NEGR1: variants seen among roughly 807,000 people sequenced by gnomAD.
The protein encoded by NEGR1 is neuronal growth regulator 1, also known as IgLON family member 4.
Under a neutral mutation model 40.9 loss-of-function variants are expected in NEGR1, and 10 were observed. The ratio of observed to expected loss-of-function variants is 0.24; its 90% confidence interval spans 0.15 to 0.42. The LOEUF (loss-of-function observed/expected upper bound fraction) is 0.42. NEGR1 is among the 10% of genes least tolerant of loss of function. The pLI, the probability that NEGR1 is intolerant of heterozygous loss-of-function variation, is 1.00. For missense variants in NEGR1, 352 were observed against 438.9 expected (o/e 0.80, Z 1.77); for synonymous variants, 185 against 166.8 (o/e 1.11, Z -0.84).
chr1:71,781,519 A>G (rs1265476507), intron 2 of NEGR1, among the ~76,000 whole-genome samples: 2 of 152,226 alleles, frequency 1.3e-5, no homozygotes, highest in African/African-American at 2.4e-5. Flanking sequence ...ACCACAGTGC[A>G]TACAAATCCA....
intron 2 of NEGR1, among the ~76,000 whole-genome samples, chr1:71,802,915 T>C (rs902298971): frequency 6.6e-6 from 1 of 152,172 alleles, no homozygotes; most frequent in Non-Finnish European, 1.5e-5. Context: ...AGATGATATT[T>C]AGATGAGACT....
rs551356151 is a variant in NEGR1, at chr1:72,190,799, C to T, written c.176+91520G>A. On this transcript the variant is annotated intron_variant, in intron 1 of 6. Coordinates refer to ENST00000357731, the MANE Select transcript of NEGR1 (RefSeq NM_173808.3). ...CTCTTTGGAAATAAATGACCTGCCA[C>T]TCTCATTAGGGAACATAACTAAATA... Among the ~76,000 whole-genome samples, 114 of 151,592 alleles carry T rather than the reference C, an allele frequency of 7.5e-4. 1 individual carries two copies. The highest frequency in any genetic ancestry group is 9.2e-4 in the Non-Finnish European group (62 of 67,638).
At chr1:71,749,877 C>T (rs570113053) in intron 3 of NEGR1, among the ~76,000 whole-genome samples, 2 of 152,144 alleles carry the variant, frequency 1.3e-5, no homozygotes, top group East Asian at 3.8e-4. Context: ...AATACAGAAG[C>T]AGTCACTATA....
At chr1:71,698,283 T>C (rs1653554169) in intron 3 of NEGR1, 144 bp from the exon 4 acceptor site, 15 of 733,550 alleles carry the variant, frequency 2.0e-5, no homozygotes, top group Non-Finnish European at 3.3e-5. Context: ...TTTGTTCTTC[T>C]ATGTTCAGAG....
intron 3 of NEGR1, among the ~76,000 whole-genome samples, chr1:71,708,181 C>T (rs1055690080): frequency 1.3e-5 from 2 of 151,468 alleles, no homozygotes; most frequent in South Asian, 4.2e-4. Flanking sequence ...AGTACCAACC[C>T]AGGAGAAATA....
intron 4 of NEGR1, among the ~76,000 whole-genome samples, chr1:71,682,009 T>C (rs140230969): frequency 0.017 from 2,585 of 152,088 alleles, 25 homozygotes; most frequent in Non-Finnish European, 0.025. Flanking sequence ...GTATTTTTAG[T>C]AGAGATGGGG....
In NEGR1 at chr1:71,886,655, T is replaced by G. The variant is rs1660733551; in HGVS notation, c.409+48424A>C. Among the ~76,000 whole-genome samples, 3 of 152,174 alleles carry G rather than the reference T, an allele frequency of 2.0e-5. No homozygotes were observed. The South Asian group carries it at 6.2e-4, about 32-fold the overall frequency. On this transcript the variant is annotated intron_variant, in intron 2 of 6. Coordinates refer to ENST00000357731, the MANE Select transcript of NEGR1 (RefSeq NM_173808.3). ...TATGAGGCACACTGCACCTCTTATG[T>G]CACTCACCTTTTCCCCAAGTTGCCT...
intron 6 of NEGR1, among the ~76,000 whole-genome samples, chr1:71,512,804 A>T (rs1008395286): frequency 3.3e-5 from 5 of 150,552 alleles, no homozygotes; most frequent in African/African-American, 9.8e-5. Context: ...TTGATCTTGA[A>T]CTCCTGACCT....
chr1:72,134,845 CT>C (rs2100321722), intron 1 of NEGR1, among the ~76,000 whole-genome samples: 1 of 151,474 alleles, frequency 6.6e-6, no homozygotes, highest in South Asian at 2.1e-4. Context: ...TCAAGCGATT[CT>C]CCTGCCTCAG....
At chr1:71,460,015 T>C (rs999206978) in intron 6 of NEGR1, among the ~76,000 whole-genome samples, 2 of 152,204 alleles carry the variant, frequency 1.3e-5, no homozygotes, top group African/African-American at 4.8e-5. Context: ...TGCTTCTACT[T>C]CCATATCTTT....
At chr1:72,269,787 T>C (rs566982854) in intron 1 of NEGR1, among the ~76,000 whole-genome samples, 14 of 150,114 alleles carry the variant, frequency 9.3e-5, no homozygotes, top group African/African-American at 3.0e-4. Flanking sequence ...GTTTTAAAAA[T>C]TCAAAATTTT....
Position 71,928,462 on chromosome 1 carries a change from ATACT to A in NEGR1, c.409+6613_409+6616del, listed in dbSNP as rs796888875. Among the ~76,000 whole-genome samples, 39 of 92,934 alleles carry A rather than the reference ATACT, an allele frequency of 4.2e-4. 2 individuals are homozygous for A. The highest frequency in any genetic ancestry group is 3.0e-4 in the South Asian group (1 of 3,322). 61.0% of individuals were successfully genotyped at this position (92,934 alleles called of 152,430 possible). ...CACATATATATGTATATATACACAC[ATACT>A]TATATATACACATATATATGTATAT... On this transcript the variant is annotated intron_variant, in intron 2 of 6. Transcript: ENST00000357731.
intron 1 of NEGR1, among the ~76,000 whole-genome samples, chr1:72,123,799 T>G (rs1479135608): frequency 2.0e-5 from 3 of 152,010 alleles, no homozygotes. Context: ...TTACAATGTC[T>G]GTATTCAAGT....
At chr1:71,498,377 G>T (rs2101396752) in intron 6 of NEGR1, among the ~76,000 whole-genome samples, 1 of 152,018 alleles carries the variant, frequency 6.6e-6, no homozygotes, top group Admixed American at 6.6e-5. Flanking sequence ...TAACAGAAAA[G>T]CCGGGTTTCC....
Position 71,568,628 on chromosome 1 carries a change from AAAT to A in NEGR1, c.940+24186_940+24188del. ...AATGTAAACATGAATAAACACCTGA[AAAT>A]AAAAATATAAGGAAAAAAATACACA... is the stretch of plus-strand genomic sequence containing the variant. On this transcript the variant is annotated intron_variant, in intron 6 of 6. Coordinates refer to ENST00000357731, the MANE Select transcript of NEGR1 (RefSeq NM_173808.3). Among the ~76,000 whole-genome samples, 4 of 152,304 alleles carry A rather than the reference AAAT, an allele frequency of 2.6e-5. No individual in the cohort carries two copies. The Middle Eastern group carries it at 0.01, about 389-fold the overall frequency.
intron 3 of NEGR1, among the ~76,000 whole-genome samples, chr1:71,729,678 A>C (rs1045371182): frequency 1.3e-5 from 2 of 152,150 alleles, no homozygotes; most frequent in African/African-American, 4.8e-5. Flanking sequence ...GCTATTGCCC[A>C]GGCTGGAGTG....
At chr1:72,239,535 G>T (rs1441225059) in intron 1 of NEGR1, among the ~76,000 whole-genome samples, 1 of 119,618 alleles carries the variant, frequency 8.4e-6, no homozygotes, top group African/African-American at 3.1e-5. Context: ...TATTGTTTGG[G>T]GTAGTGACAT....
intron 6 of NEGR1, among the ~76,000 whole-genome samples, chr1:71,449,473 T>A (rs1646608292): frequency 6.6e-6 from 1 of 152,212 alleles, no homozygotes; most frequent in Non-Finnish European, 1.5e-5. Flanking sequence ...GTTTTTTGAT[T>A]TGGAAAACAG....
intron 2 of NEGR1, among the ~76,000 whole-genome samples, chr1:71,843,104 G>T (rs556519930): frequency 6.6e-6 from 1 of 152,186 alleles, no homozygotes; most frequent in Middle Eastern, 3.4e-3. Flanking sequence ...ACATCCAAAT[G>T]GCAAATGAAT....
Sources: allele counts gnomAD v4.1 joint callset (sites outside exome capture counted in the v4.1 genomes callset), GRCh38; gene constraint gnomAD v4.1.1; transcripts MANE v1.5; gene names NCBI Gene and HGNC (gene_info 2026-07-23, HGNC 2026-07-21).